OSBP2: variants seen among roughly 807,000 people sequenced by gnomAD.
OSBP2 encodes the protein oxysterol binding protein 2.
Under a neutral mutation model 96.0 loss-of-function variants are expected in OSBP2, and 66 were observed. That is an observed-to-expected ratio of 0.69 (90% CI 0.56 to 0.84). The LOEUF (loss-of-function observed/expected upper bound fraction) is 0.84. Ranked by LOEUF, OSBP2 falls within the 40% of genes least tolerant of loss-of-function variation. The pLI is 0.00. For missense variants in OSBP2, 1,038 were observed against 1,222.7 expected, an observed-to-expected ratio of 0.85 and a Z score of 2.25; for synonymous variants, 525 against 520.9, an observed-to-expected ratio of 1.01 and a Z score of -0.11.
intron 1 of OSBP2, among the ~76,000 whole-genome samples, chr22:30,709,087 G>A (rs991304352): frequency 7.9e-5 from 12 of 151,682 alleles, no homozygotes; most frequent in African/African-American, 2.4e-4. Flanking sequence ...CAACAAGAGC[G>A]AAAACTCCAT....
At chr22:30,880,618 C>G (rs1001890327) in intron 3 of OSBP2, among the ~76,000 whole-genome samples, 1 of 152,194 alleles carries the variant, frequency 6.6e-6, no homozygotes, top group African/African-American at 2.4e-5. Flanking sequence ...GGTCCTGGCT[C>G]TGCATGCTCC....
chr22:30,798,437 A>G (rs762157212), intron 2 of OSBP2, among the ~76,000 whole-genome samples: 2 of 152,090 alleles, frequency 1.3e-5, no homozygotes, highest in Admixed American at 6.6e-5. Context: ...CACGAAGTCC[A>G]TTTTGTCTAT....
intron 2 of OSBP2, among the ~76,000 whole-genome samples, chr22:30,865,631 CAAAAAAAAAAAA>C (rs398040482): frequency 1.8e-3 from 108 of 59,894 alleles, no homozygotes; most frequent in African/African-American, 8.5e-3. Context: ...GACTCCATCT[CAAAAAAAAAAAA>C]AAAAAAAAAA....
At chr22:30,822,382 G>A in intron 2 of OSBP2, 2 of 633,700 alleles carry the variant, frequency 3.2e-6, no homozygotes, top group Non-Finnish European at 4.6e-6. Flanking sequence ...GCGCTCCTGG[G>A]GCGGGAGGAA....
chr22:30,858,679 G>A (rs1324607654), intron 2 of OSBP2, among the ~76,000 whole-genome samples: 1 of 151,280 alleles, frequency 6.6e-6, no homozygotes, highest in Admixed American at 6.6e-5. Context: ...AGGAGTTCAA[G>A]ACCAGCCTGG....
Position 30,893,790 on chromosome 22 carries a change from C to A in OSBP2, c.2191-27C>A, listed in dbSNP as rs767426781. The A allele has an allele frequency of 2.5e-6, 4 of 1,604,626 alleles. No individual in the cohort carries two copies. The South Asian group carries it at 3.3e-5, about 13-fold the overall frequency. ...AGGGGGCCCAGGGCAGAGTCTGCAC[C>A]TACGCTGGTCCTGCCAATGTCCACA... is the stretch of plus-strand genomic sequence containing the variant. On this transcript the variant is annotated intron_variant, in intron 11 of 13. Coordinates refer to ENST00000332585, the MANE Select transcript of OSBP2 (RefSeq NM_030758.4).
chr22:30,891,750 T>G (rs1022295794), intron 8 of OSBP2, among the ~76,000 whole-genome samples: 1 of 152,150 alleles, frequency 6.6e-6, no homozygotes. Context: ...CAGGGTGATC[T>G]TGGGTCCTTG....
intron 2 of OSBP2, among the ~76,000 whole-genome samples, chr22:30,756,989 C>T (rs945210930): frequency 6.6e-6 from 1 of 151,868 alleles, no homozygotes; most frequent in Admixed American, 6.6e-5. Flanking sequence ...GTGGTGACCC[C>T]TTCCAACCAT....
intron 2 of OSBP2, among the ~76,000 whole-genome samples, chr22:30,773,539 T>A (rs2090384979): frequency 6.6e-6 from 1 of 152,200 alleles, no homozygotes; most frequent in Admixed American, 6.5e-5. Flanking sequence ...GACAACTGGC[T>A]TGCCACTGAA....
At chr22:30,864,972 C>T (rs1271928879) in intron 2 of OSBP2, among the ~76,000 whole-genome samples, 2 of 152,220 alleles carry the variant, frequency 1.3e-5, no homozygotes, top group Non-Finnish European at 2.9e-5. Flanking sequence ...CACCTTCCCC[C>T]AGTCCATAAC....
intron 8 of OSBP2, 50 bp downstream of exon 8, chr22:30,891,023 A>G: frequency 6.3e-7 from 1 of 1,575,016 alleles, no homozygotes; most frequent in Non-Finnish European, 8.6e-7. Context: ...ACTCTGGCCA[A>G]GCTGTTCCTG....
At chr22:30,700,538 T>C (rs549510985) in intron 1 of OSBP2, among the ~76,000 whole-genome samples, 2 of 152,280 alleles carry the variant, frequency 1.3e-5, no homozygotes, top group East Asian at 1.9e-4. Context: ...ACAGAAGTTT[T>C]ATCTATATTA....
intron 2 of OSBP2, among the ~76,000 whole-genome samples, chr22:30,778,802 GA>G (rs1399147822): frequency 6.6e-6 from 1 of 151,990 alleles, no homozygotes; most frequent in East Asian, 1.9e-4. Context: ...TTGGAAGGCT[GA>G]GGCCGGTTGG....
At chr22:30,744,891 G>A in intron 2 of OSBP2, among the ~76,000 whole-genome samples, 1 of 152,132 alleles carries the variant, frequency 6.6e-6, no homozygotes, top group East Asian at 1.9e-4. Flanking sequence ...AGTACACATG[G>A]AACATTTTTC....
intron 12 of OSBP2, among the ~76,000 whole-genome samples, chr22:30,901,230 G>C (rs11703002): frequency 0.097 from 14,752 of 151,946 alleles, 823 homozygotes; most frequent in Middle Eastern, 0.15. Flanking sequence ...CACCACGCCC[G>C]ACTAATTTTT....
intron 2 of OSBP2, among the ~76,000 whole-genome samples, chr22:30,779,222 C>T (rs963524294): frequency 2.0e-5 from 3 of 148,112 alleles, no homozygotes; most frequent in Non-Finnish European, 4.5e-5. Context: ...GCTGGGATTA[C>T]AGGCGCCCAC....
At chr22:30,810,200 C>A (rs991139026) in intron 2 of OSBP2, among the ~76,000 whole-genome samples, 1 of 151,926 alleles carries the variant, frequency 6.6e-6, no homozygotes, top group South Asian at 2.1e-4. Context: ...TGTCCTCAAG[C>A]GAGGACAGAG....
chr22:30,800,268 G>C lies in OSBP2; in HGVS notation c.853+58899G>C, dbSNP rs543198033. Among the ~76,000 whole-genome samples, 10 of 152,288 alleles carry C rather than the reference G, an allele frequency of 6.6e-5. No individual in the cohort carries two copies. The East Asian group carries it at 1.5e-3, about 24-fold the overall frequency. Reference sequence around the variant, plus strand: ...AGATTTTCTGGAGGAGCTTACGAGAGGGGGCAGGGACCCAGGGAAGAGGCT... The same window carrying C: ...AGATTTTCTGGAGGAGCTTACGAGACGGGGCAGGGACCCAGGGAAGAGGCT... On this transcript the variant is annotated intron_variant, in intron 2 of 13. Coordinates refer to ENST00000332585, the MANE Select transcript of OSBP2 (RefSeq NM_030758.4).
At position 30,777,998 on chromosome 22, in the gene OSBP2, A is replaced by G. The variant is rs187786709; in HGVS notation, c.853+36629A>G. On this transcript the variant is annotated intron_variant, in intron 2 of 13. Coordinates refer to ENST00000332585, the MANE Select transcript of OSBP2 (RefSeq NM_030758.4). ...TAGTGACATTAAAGGAGCTTATTTT[A>G]TTTATTTATTTATTTGAGACAGAGT... Among the ~76,000 whole-genome samples, 346 of 151,794 alleles carry G rather than the reference A, an allele frequency of 2.3e-3. 1 individual carries two copies. Among genetic ancestry groups the G allele is most frequent in the Middle Eastern group, 6.8e-3 (2 of 292 alleles).
Sources: gnomAD v4.1 joint callset for allele counts (sites outside exome capture counted in the v4.1 genomes callset) on GRCh38, gnomAD v4.1.1 for gene constraint, MANE v1.5 for transcripts, NCBI Gene and HGNC (gene_info 2026-07-23, HGNC 2026-07-21) for gene names.